SH3PXD2A: variants seen among roughly 807,000 people sequenced by gnomAD.
SH3PXD2A encodes SH3 and PX domains 2A.
In SH3PXD2A, 32 loss-of-function variants were observed where a neutral mutation model predicts 115.2. That is an observed-to-expected ratio of 0.28 (90% CI 0.21 to 0.37). The LOEUF is 0.37. SH3PXD2A is among the 10% of genes least tolerant of loss of function. SH3PXD2A has a pLI of 1.00. For synonymous variants in SH3PXD2A, 610 were observed against 629.1 expected, an observed-to-expected ratio of 0.97 and a Z score of 0.45; for missense variants, 1,328 against 1,498.7, an observed-to-expected ratio of 0.89 and a Z score of 1.88.
At chr10:103,817,371 T>C (rs2039335195) in intron 1 of SH3PXD2A, among the ~76,000 whole-genome samples, 2 of 152,024 alleles carry the variant, frequency 1.3e-5, no homozygotes, top group Admixed American at 1.3e-4. Context: ...TAAGTTCTTG[T>C]GCTCTGTCAC....
chr10:103,625,532 C>G (rs2036678398), intron 9 of SH3PXD2A, among the ~76,000 whole-genome samples: 1 of 152,246 alleles, frequency 6.6e-6, no homozygotes, highest in African/African-American at 2.4e-5. Context: ...ATTTCAGGAC[C>G]TGGTCTAGCA....
intron 5 of SH3PXD2A, among the ~76,000 whole-genome samples, chr10:103,698,199 G>A (rs912937871): frequency 9.2e-5 from 14 of 152,210 alleles, no homozygotes; most frequent in Non-Finnish European, 1.8e-4. Flanking sequence ...AGCCACTGAG[G>A]CACGGGAGAG....
chr10:103,725,887 T>C (rs895113348), intron 4 of SH3PXD2A, among the ~76,000 whole-genome samples: 1 of 151,124 alleles, frequency 6.6e-6, no homozygotes, highest in Non-Finnish European at 1.5e-5. Flanking sequence ...TAAAACAAAA[T>C]AAAATAAAAA....
intron 4 of SH3PXD2A, among the ~76,000 whole-genome samples, chr10:103,730,652 C>T (rs1189136437): frequency 6.6e-6 from 1 of 152,164 alleles, no homozygotes; most frequent in Non-Finnish European, 1.5e-5. Flanking sequence ...GGGGATATGT[C>T]ACTCTCTGAG....
intron 5 of SH3PXD2A, among the ~76,000 whole-genome samples, chr10:103,705,101 C>T (rs1250291829): frequency 2.6e-5 from 4 of 152,182 alleles, no homozygotes; most frequent in African/African-American, 9.7e-5. Flanking sequence ...GCCAGCTCAG[C>T]TGCAACTACA....
Position 103,692,927 on chromosome 10 carries a change from C to A in SH3PXD2A, c.427+101G>T, listed in dbSNP as rs1026841175. 1.2e-4 allele frequency: 116 copies of A among 943,052 alleles called. 2 individuals are homozygous for A. The highest frequency in any genetic ancestry group is 1.7e-4 in the Non-Finnish European group (101 of 598,500). The allele number at this position is 943,052 out of a possible 1,614,324, so 58.4% of individuals were successfully genotyped here. A position where few individuals can be genotyped will look rare whatever the true frequency, so the allele number is the denominator to read the frequency against. Reference sequence around the variant, plus strand: ...CCGTAGGCTGGCGTGCAAGGACAACCCCCCCCTCCCCGCCCCCAAGAAGTC... The same window carrying A: ...CCGTAGGCTGGCGTGCAAGGACAACACCCCCCTCCCCGCCCCCAAGAAGTC... On this transcript the variant is annotated intron_variant, in intron 6 of 14. Coordinates refer to ENST00000369774, the MANE Select transcript of SH3PXD2A (RefSeq NM_001394015.1).
chr10:103,774,580 A>G (rs1368970773), intron 2 of SH3PXD2A, among the ~76,000 whole-genome samples: 1 of 152,126 alleles, frequency 6.6e-6, no homozygotes, highest in Non-Finnish European at 1.5e-5. Flanking sequence ...CCACTTAGTA[A>G]TGTTTCATTT....
chr10:103,832,052 G>T (rs997586912), intron 1 of SH3PXD2A, among the ~76,000 whole-genome samples: 2 of 152,010 alleles, frequency 1.3e-5, no homozygotes, highest in Non-Finnish European at 2.9e-5. Context: ...TGCCACTGCC[G>T]GACACTGCTA....
intron 6 of SH3PXD2A, among the ~76,000 whole-genome samples, chr10:103,678,507 G>C (rs1416282526): frequency 2.6e-5 from 4 of 152,250 alleles, no homozygotes; most frequent in Non-Finnish European, 5.9e-5. Context: ...CTTCCAGAGA[G>C]GGGAGAAGCC....
chr10:103,717,879 C>T (rs2038125521), intron 5 of SH3PXD2A, among the ~76,000 whole-genome samples: 1 of 151,864 alleles, frequency 6.6e-6, no homozygotes, highest in African/African-American at 2.4e-5. Context: ...GGAGATCAGG[C>T]AGAGCAAAGC....
intron 2 of SH3PXD2A, among the ~76,000 whole-genome samples, chr10:103,796,011 C>A (rs2039084692): frequency 6.6e-6 from 1 of 151,874 alleles, no homozygotes; most frequent in Non-Finnish European, 1.5e-5. Flanking sequence ...CCAAATCCCC[C>A]CAAACTAGAG....
At chr10:103,607,373 G>A (rs1211714225) in intron 13 of SH3PXD2A, among the ~76,000 whole-genome samples, 1 of 151,724 alleles carries the variant, frequency 6.6e-6, no homozygotes, top group African/African-American at 2.4e-5. Context: ...GAGCGTCTCC[G>A]CCCAGCAGCC....
chr10:103,661,111 GCAC>G lies in SH3PXD2A; in HGVS notation c.473_475del (p.Gly158del). 6.2e-7 allele frequency: 1 copy of G among 1,612,820 alleles called. No homozygotes were observed. The highest frequency in any genetic ancestry group is 8.5e-7 in the Non-Finnish European group (1 of 1,179,374). ...GATCATGGGCTCGGCGGTGGCGTCG[GCAC>G]CTGGCGAGGGCAGAAAGCACGCGGT... On this transcript the variant is annotated inframe_deletion and splice_region_variant, in exon 8 of 15. Coordinates refer to ENST00000369774, the MANE Select transcript of SH3PXD2A (RefSeq NM_001394015.1).
rs1385794241 is a variant in SH3PXD2A at position 103,603,571 on chromosome 10, C to T, written c.1647G>A (p.Arg549=). The T allele has an allele frequency of 6.2e-7, 1 of 1,611,344 alleles. No homozygotes were observed. The highest frequency in any genetic ancestry group is 1.3e-5 in the African/African-American group (1 of 74,880). The change falls in exon 15 of 15, where the codon CGG becomes CGA. Residue 549 remains arginine, a synonymous_variant. Transcript: ENST00000369774. ...TGASESQDSP[R]KLKYEEPEYD... Reference sequence around the variant, plus strand: ...ACTCAGGCTCCTCATACTTGAGCTTCCGCGGGGAGTCCTGGCTCTCACTGG... The same window carrying T: ...ACTCAGGCTCCTCATACTTGAGCTTTCGCGGGGAGTCCTGGCTCTCACTGG...
intron 8 of SH3PXD2A, among the ~76,000 whole-genome samples, chr10:103,656,753 A>G (rs936725650): frequency 2.0e-5 from 3 of 148,846 alleles, no homozygotes; most frequent in African/African-American, 7.5e-5. Context: ...CGCTTGACCC[A>G]GGAGGTGGAG....
intron 13 of SH3PXD2A, among the ~76,000 whole-genome samples, chr10:103,607,304 G>A (rs1189188328): frequency 9.3e-5 from 14 of 150,240 alleles, no homozygotes; most frequent in Non-Finnish European, 1.9e-4. Flanking sequence ...CCCGGCAGCC[G>A]CCCCGTCTGA....
At chr10:103,768,314 G>A (rs1000578195) in intron 2 of SH3PXD2A, among the ~76,000 whole-genome samples, 7 of 152,190 alleles carry the variant, frequency 4.6e-5, no homozygotes, top group East Asian at 3.8e-4. Flanking sequence ...TATATAGGGC[G>A]GCAAAGAAGG....
chr10:103,661,344 G>T lies in SH3PXD2A; in HGVS notation c.473-230C>A, dbSNP rs1044616762. Among the ~76,000 whole-genome samples, 3 of 152,364 alleles carry T rather than the reference G, an allele frequency of 2.0e-5. No homozygotes were observed. The East Asian group carries it at 5.8e-4, about 29-fold the overall frequency. ...GGGTCCGGGGGACATGGGGAGCCAG[G>T]GGGCCGGGGAGGGGACGGGCAGGAG... On this transcript the variant is annotated intron_variant, in intron 7 of 14. Coordinates refer to ENST00000369774, the MANE Select transcript of SH3PXD2A (RefSeq NM_001394015.1).
intron 2 of SH3PXD2A, among the ~76,000 whole-genome samples, chr10:103,768,387 G>A (rs1225051737): frequency 6.6e-6 from 1 of 152,214 alleles, no homozygotes; most frequent in Non-Finnish European, 1.5e-5. Context: ...AGCTACGCTG[G>A]AGAGGGAGAA....
Sources: allele counts gnomAD v4.1 joint callset (sites outside exome capture counted in the v4.1 genomes callset), GRCh38; gene constraint gnomAD v4.1.1; transcripts MANE v1.5; gene names NCBI Gene and HGNC (gene_info 2026-07-23, HGNC 2026-07-21).